ATP10B: variants seen among roughly 807,000 people sequenced by gnomAD.
ATP10B encodes the protein ATPase phospholipid transporting 10B (putative), also known as phospholipid-transporting ATPase VB.
A neutral mutation model predicts 141.2 loss-of-function variants in ATP10B; 122 were observed. The ratio of observed to expected loss-of-function variants is 0.86; its 90% confidence interval spans 0.75 to 1.00. ATP10B has a LOEUF of 1.00. Ranked by LOEUF, ATP10B falls within the 50% of genes least tolerant of loss-of-function variation. The pLI, the probability that ATP10B is intolerant of heterozygous loss-of-function variation, is 0.00. For missense variants in ATP10B, 1,876 were observed against 1,825.3 expected (o/e 1.03, Z -0.51); for synonymous variants, 685 against 692.0 (o/e 0.99, Z 0.16).
chr5:160,906,382 G>A, the ATP10B span, among the ~76,000 whole-genome samples: 1 of 151,676 alleles, frequency 6.6e-6, no homozygotes, highest in East Asian at 1.9e-4. Flanking sequence ...AGTTCTCCTG[G>A]GCCAAAAAGG....
intron 2 of ATP10B, among the ~76,000 whole-genome samples, chr5:160,758,680 A>G (rs1293323485): frequency 1.3e-5 from 2 of 152,190 alleles, no homozygotes; most frequent in African/African-American, 2.4e-5. Flanking sequence ...TTCTGACTCC[A>G]TGCCCACAGA....
chr5:160,863,204 A>T, the ATP10B span, among the ~76,000 whole-genome samples: 1 of 152,000 alleles, frequency 6.6e-6, no homozygotes, highest in Non-Finnish European at 1.5e-5. Context: ...TTTATGGAAG[A>T]CAGGGATAAT....
At chr5:160,578,122 A>G (rs1273648887) in intron 24 of ATP10B, among the ~76,000 whole-genome samples, 1 of 152,124 alleles carries the variant, frequency 6.6e-6, no homozygotes, top group African/African-American at 2.4e-5. Context: ...ATATATTTCA[A>G]TTTAGTTAAA....
intron 1 of ATP10B, among the ~76,000 whole-genome samples, chr5:160,786,234 T>C (rs1193660059): frequency 2.0e-5 from 3 of 152,176 alleles, no homozygotes; most frequent in Non-Finnish European, 4.4e-5. Flanking sequence ...ATGATGAAGA[T>C]GGAGACCCAG....
At chr5:160,871,928 G>A in the ATP10B span, among the ~76,000 whole-genome samples, 2 of 152,064 alleles carry the variant, frequency 1.3e-5, no homozygotes, top group South Asian at 4.2e-4. Flanking sequence ...GGATTGCTGG[G>A]TCAAATGGTA....
chr5:160,641,720 C>T (rs1759881322), intron 9 of ATP10B, among the ~76,000 whole-genome samples: 2 of 152,308 alleles, frequency 1.3e-5, no homozygotes, highest in South Asian at 4.1e-4. Context: ...ACTACAGTGC[C>T]ATACTCCTCA....
intron 2 of ATP10B, among the ~76,000 whole-genome samples, chr5:160,725,949 T>A (rs1409602463): frequency 6.6e-6 from 1 of 152,078 alleles, no homozygotes; most frequent in Non-Finnish European, 1.5e-5. Flanking sequence ...GGACATGTAG[T>A]CAGGGAGTAG....
intron 13 of ATP10B, among the ~76,000 whole-genome samples, chr5:160,623,252 C>A (rs1341781407): frequency 6.6e-6 from 1 of 152,214 alleles, no homozygotes; most frequent in East Asian, 1.9e-4. Flanking sequence ...CCGTGAGATC[C>A]TATATAGCTC....
At chr5:160,602,168 A>G (rs1757132246) in intron 21 of ATP10B, among the ~76,000 whole-genome samples, 1 of 152,256 alleles carries the variant, frequency 6.6e-6, no homozygotes, top group Non-Finnish European at 1.5e-5. Flanking sequence ...ATCACTTTAT[A>G]TACAAATTCT....
At position 160,688,092 on chromosome 5, in the gene ATP10B, G is replaced by T. The variant is rs376456266; in HGVS notation, c.-18C>A. On this transcript the variant is annotated splice_region_variant and 5_prime_UTR_variant, in exon 5 of 26. Transcript: ENST00000327245. The stretch of plus-strand genomic sequence containing the variant: ...AGGGCCATTTCCAGCAGCAGGCGAA[G>T]ATCTGAAAACAGACACAGGAGGAGC... The T allele has an allele frequency of 6.6e-5, 106 of 1,607,160 alleles. No individual in the cohort carries two copies. The highest frequency in any genetic ancestry group is 8.8e-5 in the Non-Finnish European group (104 of 1,176,808).
intron 1 of ATP10B, among the ~76,000 whole-genome samples, chr5:160,806,310 C>T (rs188270998): frequency 9.2e-5 from 14 of 152,302 alleles, no homozygotes; most frequent in Admixed American, 3.3e-4. Flanking sequence ...ACTCCCCTGA[C>T]CCAGATAAAG....
chr5:160,826,086 C>A (rs762937486), intron 1 of ATP10B, among the ~76,000 whole-genome samples: 4 of 152,100 alleles, frequency 2.6e-5, no homozygotes, highest in Non-Finnish European at 5.9e-5. Context: ...GGTTCCATGT[C>A]TTTGTTATTG....
chr5:160,649,086 C>A, intron 8 of ATP10B, 85 bp downstream of exon 8: 1 of 929,966 alleles, frequency 1.1e-6, no homozygotes, highest in Non-Finnish European at 1.7e-6. Flanking sequence ...GATGAAGATG[C>A]TTATTTGTTT....
chr5:160,884,696 GA>G, the ATP10B span, among the ~76,000 whole-genome samples: 1 of 151,634 alleles, frequency 6.6e-6, no homozygotes, highest in African/African-American at 2.4e-5. Context: ...TCCATTTATG[GA>G]AAAAATATTT....
the ATP10B span, among the ~76,000 whole-genome samples, chr5:160,871,125 G>A: frequency 6.7e-6 from 1 of 149,454 alleles, no homozygotes; most frequent in Non-Finnish European, 1.5e-5. Context: ...CATAGAGAAA[G>A]GAAGAACATC....
chr5:160,620,868 C>A lies in ATP10B; in HGVS notation c.1895G>T (p.Ser632Ile). The A allele has an allele frequency of 6.2e-7, 1 of 1,614,214 alleles. No individual in the cohort carries two copies. The highest frequency in any genetic ancestry group is 8.5e-7 in the Non-Finnish European group (1 of 1,180,030). Residue 632 changes from serine to isoleucine, a missense_variant, in exon 15 of 26, where the codon AGC becomes ATC. Ser to Ile is a moderately radical substitution (Grantham distance 142). Transcript: ENST00000327245. ...QQLFQKLKLL[S>I]LSQSFSSTAP... is the part of the protein sequence containing the mutation. ...AGTGGATGAGAATGACTGGCTGAGGCTCAATAGCTTCAACTTCTGGAAGAG... is the reference window on the plus strand; with the variant it reads ...AGTGGATGAGAATGACTGGCTGAGGATCAATAGCTTCAACTTCTGGAAGAG...
chr5:160,641,964 C>T (rs981702102), intron 9 of ATP10B, among the ~76,000 whole-genome samples: 4 of 152,178 alleles, frequency 2.6e-5, no homozygotes, highest in African/African-American at 9.7e-5. Flanking sequence ...AGAATTTCTG[C>T]CTGCCTCTCA....
chr5:160,780,029 T>C (rs1770609274), intron 2 of ATP10B, among the ~76,000 whole-genome samples: 1 of 152,242 alleles, frequency 6.6e-6, no homozygotes. Flanking sequence ...AGTCAGTACT[T>C]ATCATCTCTT....
chr5:160,877,152 C>T, the ATP10B span, among the ~76,000 whole-genome samples: 12 of 152,210 alleles, frequency 7.9e-5, no homozygotes, highest in East Asian at 1.9e-4. Flanking sequence ...ACTGGCAAAA[C>T]GAATCCAGCT....
Sources: gnomAD v4.1 joint callset for allele counts (sites outside exome capture counted in the v4.1 genomes callset) on GRCh38, gnomAD v4.1.1 for gene constraint, MANE v1.5 for transcripts, NCBI Gene and HGNC (gene_info 2026-07-23, HGNC 2026-07-21) for gene names.